PDGFC: variants seen among roughly 807,000 people sequenced by gnomAD.
The protein encoded by PDGFC is platelet-derived growth factor C.
PDGFC carries 12 observed loss-of-function variants against 35.5 expected under a neutral mutation model. The ratio of observed to expected loss-of-function variants is 0.34; its 90% CI spans 0.22 to 0.55. The LOEUF is 0.55. Ranked by LOEUF, PDGFC falls within the 20% of genes least tolerant of loss-of-function variation. PDGFC has a pLI of 0.91. For synonymous variants in PDGFC, 159 were observed against 148.8 expected, an observed-to-expected ratio of 1.07 and a Z score of -0.50; for missense variants, 322 against 412.4, an observed-to-expected ratio of 0.78 and a Z score of 1.90.
chr4:156,858,279 A>C (rs1729629969), intron 1 of PDGFC, among the ~76,000 whole-genome samples: 1 of 152,238 alleles, frequency 6.6e-6, no homozygotes, highest in South Asian at 2.1e-4. Flanking sequence ...GGTAAAAAAT[A>C]ATCTTATTTT....
chr4:156,872,185 G>A (rs186514353), intron 1 of PDGFC, among the ~76,000 whole-genome samples: 10 of 152,184 alleles, frequency 6.6e-5, no homozygotes, highest in Non-Finnish European at 1.0e-4. Flanking sequence ...TAGTGTGCTT[G>A]CCATTTAATA....
At chr4:156,825,593 T>TAATAAGAAG (rs1267062505) in intron 2 of PDGFC, among the ~76,000 whole-genome samples, 270 of 62,158 alleles carry the variant, frequency 4.3e-3, no homozygotes, top group Non-Finnish European at 4.8e-3. Flanking sequence ...ATAATAATAA[T>TAATAAGAAG]AAGAAGAAGA....
chr4:156,840,852 C>T (rs375971657), intron 2 of PDGFC, among the ~76,000 whole-genome samples: 8 of 152,154 alleles, frequency 5.3e-5, no homozygotes, highest in East Asian at 3.9e-4. Context: ...GACTGCCCCA[C>T]GGGATTTTGG....
At chr4:156,854,535 G>A (rs1729528148) in intron 1 of PDGFC, among the ~76,000 whole-genome samples, 2 of 152,024 alleles carry the variant, frequency 1.3e-5, no homozygotes, top group South Asian at 2.1e-4. Context: ...GAAATGCAAG[G>A]AGGTTTGCCA....
chr4:156,852,923 G>C (rs1047129697), intron 1 of PDGFC, among the ~76,000 whole-genome samples: 1 of 152,140 alleles, frequency 6.6e-6, no homozygotes, highest in Non-Finnish European at 1.5e-5. Flanking sequence ...TGAGGACCCT[G>C]GTCAGCTTGG....
In PDGFC at chr4:156,800,716, A is replaced by C. The variant is rs1345810082; in HGVS notation, c.495+10121T>G. Among the ~76,000 whole-genome samples the C allele has an allele frequency of 2.0e-5, 3 of 152,194 alleles. No homozygotes were observed. The East Asian group carries it at 5.8e-4, about 29-fold the overall frequency. The stretch of plus-strand genomic sequence containing the variant: ...CATTAATGTTATAACAGAGTTCAAG[A>C]CATGCTAAATAGCTCATCAATATTG... On this transcript the variant is annotated intron_variant, in intron 3 of 5. Transcript: ENST00000502773.
At chr4:156,910,727 C>T (rs1445806482) in intron 1 of PDGFC, among the ~76,000 whole-genome samples, 2 of 152,106 alleles carry the variant, frequency 1.3e-5, no homozygotes. Flanking sequence ...TTTCTTTGTT[C>T]TAGCCATTCT....
intron 3 of PDGFC, among the ~76,000 whole-genome samples, chr4:156,782,241 A>G (rs1731000876): frequency 6.6e-6 from 1 of 152,176 alleles, no homozygotes; most frequent in Non-Finnish European, 1.5e-5. Context: ...AATAAGCATA[A>G]TGATACCCTT....
At chr4:156,896,272 T>C (rs1244560538) in intron 1 of PDGFC, among the ~76,000 whole-genome samples, 1 of 152,172 alleles carries the variant, frequency 6.6e-6, no homozygotes. Flanking sequence ...TTTTTGAGGA[T>C]TAACAACTCT....
intron 3 of PDGFC, among the ~76,000 whole-genome samples, chr4:156,799,288 C>T (rs1208052749): frequency 6.6e-6 from 1 of 152,118 alleles, no homozygotes; most frequent in Non-Finnish European, 1.5e-5. Context: ...AACATCTATG[C>T]AGACACAGGA....
intron 2 of PDGFC, among the ~76,000 whole-genome samples, chr4:156,838,221 C>T (rs1002736627): frequency 6.6e-6 from 1 of 152,132 alleles, no homozygotes; most frequent in Non-Finnish European, 1.5e-5. Flanking sequence ...TATTTTTGTA[C>T]CACCAGCACC....
chr4:156,881,190 C>A (rs200770039), intron 1 of PDGFC, among the ~76,000 whole-genome samples: 1 of 152,114 alleles, frequency 6.6e-6, no homozygotes, highest in Non-Finnish European at 1.5e-5. Context: ...AGTCAGCAGC[C>A]ATTAACATTG....
At chr4:156,770,875 G>T (rs188606361) in intron 4 of PDGFC, among the ~76,000 whole-genome samples, 135 of 152,246 alleles carry the variant, frequency 8.9e-4, no homozygotes, top group Non-Finnish European at 1.7e-3. Context: ...GATGAATGTG[G>T]TAACACTGTG....
rs527795365 is a variant in PDGFC, at chr4:156,793,188, G to A, written c.495+17649C>T. On this transcript the variant is annotated intron_variant, in intron 3 of 5. Transcript: ENST00000502773. ...TCTTAAAAGGAGTCAAATGTTGATA[G>A]AAGACTTTAAAATCTAGATTTTCTA... is the stretch of plus-strand genomic sequence containing the variant. Among the ~76,000 whole-genome samples, 21 of 152,176 alleles carry A rather than the reference G, an allele frequency of 1.4e-4. 1 individual carries two copies. The highest frequency in any genetic ancestry group is 5.1e-4 in the African/African-American group (21 of 41,532).
At chr4:156,887,774 G>A (rs1284918138) in intron 1 of PDGFC, among the ~76,000 whole-genome samples, 1 of 151,986 alleles carries the variant, frequency 6.6e-6, no homozygotes, top group South Asian at 2.1e-4. Context: ...CTCACTTTGG[G>A]AGGCTGAGGT....
chr4:156,811,890 C>T (rs150045432), intron 2 of PDGFC, among the ~76,000 whole-genome samples: 3 of 152,044 alleles, frequency 2.0e-5, no homozygotes, highest in African/African-American at 4.8e-5. Context: ...GCAAGGTCCA[C>T]GAATGCCCAA....
chr4:156,901,889 G>C (rs1279711142), intron 1 of PDGFC, among the ~76,000 whole-genome samples: 1 of 152,168 alleles, frequency 6.6e-6, no homozygotes, highest in African/African-American at 2.4e-5. Context: ...TGGAATTATA[G>C]GCATGAGCCA....
intron 1 of PDGFC, among the ~76,000 whole-genome samples, chr4:156,857,168 T>C (rs1246439768): frequency 1.3e-5 from 2 of 151,882 alleles, no homozygotes; most frequent in Non-Finnish European, 2.9e-5. Context: ...CTAATCAGTA[T>C]ATAAGTAAAT....
intron 1 of PDGFC, among the ~76,000 whole-genome samples, chr4:156,888,073 A>C (rs577613427): frequency 6.6e-6 from 1 of 152,230 alleles, no homozygotes; most frequent in South Asian, 2.1e-4. Context: ...ACTACAGTTC[A>C]AACAGGTCTA....
Sources: allele counts gnomAD v4.1 joint callset (sites outside exome capture counted in the v4.1 genomes callset), GRCh38; gene constraint gnomAD v4.1.1; transcripts MANE v1.5; gene names NCBI Gene and HGNC (gene_info 2026-07-23, HGNC 2026-07-21).